Variants in SLC24A3 observed in about 807,000 individuals in gnomAD.
SLC24A3 encodes solute carrier family 24 member 3.
Under a neutral mutation model 75.8 loss-of-function variants are expected in SLC24A3, and 28 were observed. The ratio of observed to expected loss-of-function variants is 0.37; its 90% CI spans 0.27 to 0.51. The LOEUF (loss-of-function observed/expected upper bound fraction) is 0.51, where lower values mean the gene tolerates loss of function less well. Ranked by LOEUF, SLC24A3 falls within the 20% of genes least tolerant of loss-of-function variation. SLC24A3 has a pLI of 0.94. For missense variants in SLC24A3, 663 were observed against 847.8 expected, an observed-to-expected ratio of 0.78 and a Z score of 2.71; for synonymous variants, 372 against 334.1, an observed-to-expected ratio of 1.11 and a Z score of -1.24.
intron 2 of SLC24A3, among the ~76,000 whole-genome samples, chr20:19,392,658 T>A (rs1456549891): frequency 6.6e-6 from 1 of 152,188 alleles, no homozygotes; most frequent in Non-Finnish European, 1.5e-5. Flanking sequence ...AGATTGATGA[T>A]CTCCTGTTTG....
At chr20:19,326,288 A>G (rs975961777) in intron 2 of SLC24A3, among the ~76,000 whole-genome samples, 3 of 152,126 alleles carry the variant, frequency 2.0e-5, no homozygotes, top group Non-Finnish European at 4.4e-5. Context: ...GTGAGGGGCC[A>G]TCATCATCCT....
At chr20:19,596,799 G>A (rs1357162523) in intron 6 of SLC24A3, among the ~76,000 whole-genome samples, 3 of 152,148 alleles carry the variant, frequency 2.0e-5, no homozygotes, top group African/African-American at 7.2e-5. Context: ...ACCCCTGGTG[G>A]CCATGCTTTT....
At chr20:19,333,449 G>A (rs1403212293) in intron 2 of SLC24A3, among the ~76,000 whole-genome samples, 1 of 152,204 alleles carries the variant, frequency 6.6e-6, no homozygotes, top group Non-Finnish European at 1.5e-5. Context: ...GATTTGGCCT[G>A]TTGCAAAGAG....
intron 6 of SLC24A3, among the ~76,000 whole-genome samples, chr20:19,638,996 G>T (rs1447026360): frequency 6.6e-6 from 1 of 152,134 alleles, no homozygotes; most frequent in African/African-American, 2.4e-5. Context: ...TCCACACTGT[G>T]GAAGGGGACC....
At chr20:19,649,244 G>A (rs1242601794) in intron 6 of SLC24A3, among the ~76,000 whole-genome samples, 2 of 152,198 alleles carry the variant, frequency 1.3e-5, no homozygotes, top group Non-Finnish European at 2.9e-5. Flanking sequence ...ATGGTTTCCG[G>A]TCTTCATCTA....
rs527784894 is a variant in SLC24A3, at chr20:19,408,561, T to G, written c.272-106927T>G. On this transcript the variant is annotated intron_variant, in intron 2 of 16. Transcript: ENST00000328041. ...CACACCACTACTCCCGGCTAATTTT[T>G]GTATTTTTGGTAGAGACAGGGTTTC... 1.1e-3 allele frequency among the ~76,000 whole-genome samples: 171 copies of G among 152,206 alleles called. 1 individual carries two copies. The highest frequency in any genetic ancestry group is 4.0e-3 in the African/African-American group (165 of 41,512).
chr20:19,660,386 G>T (rs1568688405), intron 7 of SLC24A3, among the ~76,000 whole-genome samples: 2 of 151,884 alleles, frequency 1.3e-5, no homozygotes, highest in African/African-American at 4.8e-5. Flanking sequence ...AGAACATACG[G>T]TATTTGATTT....
At chr20:19,446,230 G>A (rs532436232) in intron 2 of SLC24A3, among the ~76,000 whole-genome samples, 1 of 152,174 alleles carries the variant, frequency 6.6e-6, no homozygotes, top group Non-Finnish European at 1.5e-5. Context: ...ATGAGTTCTG[G>A]GAGCCTTTTA....
chr20:19,334,007 AT>A lies in SLC24A3; in HGVS notation c.271+52921del, dbSNP rs1404107547. On this transcript the variant is annotated intron_variant, in intron 2 of 16. Transcript: ENST00000328041. ...TGTACATTTTCAATGGTTAAAATGT[AT>A]GACAGGTGCATTATATCAGAAGAAA... 3.3e-5 allele frequency among the ~76,000 whole-genome samples: 5 copies of A among 151,456 alleles called. No homozygotes were observed. In the East Asian group the frequency reaches 9.7e-4, roughly 29 times the overall value.
chr20:19,678,340 A>ACC (rs748490662), intron 9 of SLC24A3, among the ~76,000 whole-genome samples: 4 of 97,606 alleles, frequency 4.1e-5, no homozygotes, highest in Admixed American at 9.7e-5. Context: ...CGGGGGGCTG[A>ACC]CCCCCCCCAC....
At chr20:19,677,516 C>A (rs1009416152) in intron 9 of SLC24A3, among the ~76,000 whole-genome samples, 2 of 151,892 alleles carry the variant, frequency 1.3e-5, no homozygotes, top group East Asian at 3.9e-4. Flanking sequence ...TTCGTCACCA[C>A]CCCCAGCAAC....
At chr20:19,464,414 C>CAA (rs397865779) in intron 2 of SLC24A3, among the ~76,000 whole-genome samples, 2 of 152,000 alleles carry the variant, frequency 1.3e-5, no homozygotes, top group African/African-American at 4.8e-5. Flanking sequence ...TGCACACACA[C>CAA]AAAGCCAGTA....
At chr20:19,455,278 G>C (rs1987559354) in intron 2 of SLC24A3, among the ~76,000 whole-genome samples, 1 of 152,142 alleles carries the variant, frequency 6.6e-6, no homozygotes, top group Non-Finnish European at 1.5e-5. Context: ...ATATAGTGTT[G>C]AGTCATTGGT....
intron 2 of SLC24A3, among the ~76,000 whole-genome samples, chr20:19,384,847 C>A (rs1348907255): frequency 6.6e-6 from 1 of 152,114 alleles, no homozygotes; most frequent in East Asian, 1.9e-4. Flanking sequence ...CACTTGTTTT[C>A]TTTTGTCTTT....
intron 6 of SLC24A3, among the ~76,000 whole-genome samples, chr20:19,651,466 T>G (rs1348783717): frequency 6.6e-6 from 1 of 150,970 alleles, no homozygotes; most frequent in Non-Finnish European, 1.5e-5. Context: ...TGTTCTTTGT[T>G]CCAGTGTTCT....
rs1981447393 is a variant in SLC24A3 at position 19,212,991 on chromosome 20, G to A, written c.142+7G>A. Reference sequence around the variant, plus strand: ...AGCCTGCGAGAGCAGAAGGGTGAGTGCACGCTGCCTGCCCCGAGTGGGCGC... The same window carrying A: ...AGCCTGCGAGAGCAGAAGGGTGAGTACACGCTGCCTGCCCCGAGTGGGCGC... On this transcript the variant is annotated splice_region_variant and intron_variant, in intron 1 of 16. Transcript: ENST00000328041. 2.4e-6 allele frequency: 3 copies of A among 1,271,728 alleles called. No homozygotes were observed. Among genetic ancestry groups the A allele is most frequent in the Non-Finnish European group, 3.0e-6 (3 of 1,006,910 alleles). 78.8% of individuals were successfully genotyped at this position (1,271,728 alleles called of 1,614,324 possible).
chr20:19,603,824 T>C (rs979912803), intron 6 of SLC24A3, among the ~76,000 whole-genome samples: 1 of 152,164 alleles, frequency 6.6e-6, no homozygotes, highest in African/African-American at 2.4e-5. Flanking sequence ...CCTGCAGCTG[T>C]CCTGGCATCC....
chr20:19,514,561 C>T (rs6136759), intron 2 of SLC24A3, among the ~76,000 whole-genome samples: 22,024 of 152,096 alleles, frequency 0.14, 1,857 homozygotes, highest in East Asian at 0.31. Context: ...TGCTTCCTGC[C>T]GCGCCTGGTG....
In SLC24A3 at chr20:19,698,646, C is replaced by T. The variant is rs2122145589; in HGVS notation, c.1685C>T (p.Ala562Val). The T allele has an allele frequency of 6.3e-7, 1 of 1,591,648 alleles. No homozygotes were observed. Among genetic ancestry groups the T allele is most frequent in the South Asian group, 1.1e-5 (1 of 87,828 alleles). Residue 562 changes from alanine (A) to valine (V), a missense_variant, in exon 15 of 17, where the codon GCT becomes GTT. By Grantham distance (64) the Ala-to-Val change is moderately conservative. Coordinates refer to ENST00000328041, the MANE Select transcript of SLC24A3 (RefSeq NM_020689.4). ...CTGATTGGCCTCGGTCTCCCCTGGG[C>T]TCTGCAGACCCTGGCTGTGGATTAC... ...DILIGLGLPW[A>V]LQTLAVDYGS...
Sources: gnomAD v4.1 joint callset for allele counts (sites outside exome capture counted in the v4.1 genomes callset) on GRCh38, gnomAD v4.1.1 for gene constraint, MANE v1.5 for transcripts, NCBI Gene and HGNC (gene_info 2026-07-23, HGNC 2026-07-21) for gene names.